The following PSMA1 variants were observed in gnomAD, a reference collection of about 807,000 sequenced individuals.
The protein encoded by PSMA1 is proteasome subunit alpha type-1.
In PSMA1, 3 loss-of-function variants were observed where a neutral mutation model predicts 38.4. The ratio of observed to expected loss-of-function variants is 0.08; its 90% CI spans 0.04 to 0.20. The LOEUF (loss-of-function observed/expected upper bound fraction) is 0.20. Among genes scored for constraint, PSMA1 ranks in the 10% least tolerant of loss-of-function variants. The pLI, the probability that PSMA1 is intolerant of heterozygous loss-of-function variation, is 1.00. For synonymous variants in PSMA1, 101 were observed against 107.1 expected, an observed-to-expected ratio of 0.94 and a Z score of 0.35; for missense variants, 227 against 325.3, an observed-to-expected ratio of 0.70 and a Z score of 2.32.
chr11:14,505,379 G>T, intron 9 of PSMA1, 131 bp from the exon 10 acceptor site: 2 of 768,906 alleles, frequency 2.6e-6, no homozygotes, highest in Non-Finnish European at 4.5e-6. Context: ...CTCAGTTTTA[G>T]TTCACTGTCC....
chr11:14,590,845 G>C (rs1398889817), intron 2 of PSMA1, among the ~76,000 whole-genome samples: 1 of 152,212 alleles, frequency 6.6e-6, no homozygotes, highest in East Asian at 1.9e-4. Context: ...TCACAATTAG[G>C]CAATGGTTAC....
chr11:14,523,483 C>T (rs1167323443), upstream of PSMA1, among the ~76,000 whole-genome samples: 1 of 151,928 alleles, frequency 6.6e-6, no homozygotes, highest in African/African-American at 2.4e-5. Context: ...GTTGCCCAGG[C>T]TGGTCATGAA....
chr11:14,518,882 A>G (rs1851478851), intron 2 of PSMA1, 115 bp downstream of exon 2: 1 of 837,412 alleles, frequency 1.2e-6, no homozygotes, highest in Non-Finnish European at 1.9e-6. Context: ...AACTTCCAAG[A>G]ACGTCTAAAA....
At chr11:14,619,258 G>A (rs1315834370) in intron 1 of PSMA1, among the ~76,000 whole-genome samples, 2 of 152,194 alleles carry the variant, frequency 1.3e-5, no homozygotes, top group East Asian at 1.9e-4. Context: ...AGACCAGCCC[G>A]GGCAACATGG....
intron 1 of PSMA1, among the ~76,000 whole-genome samples, chr11:14,621,091 G>A (rs1852838163): frequency 6.6e-6 from 1 of 152,110 alleles, no homozygotes; most frequent in Non-Finnish European, 1.5e-5. Flanking sequence ...TGAAAACTGT[G>A]AGTGTACTTT....
At chr11:14,507,369 T>C (rs1449554108) in intron 9 of PSMA1, among the ~76,000 whole-genome samples, 1 of 152,158 alleles carries the variant, frequency 6.6e-6, no homozygotes, top group East Asian at 1.9e-4. Flanking sequence ...GGTTTCACCA[T>C]GTTGGCCAGG....
rs1851221526 is a variant in PSMA1, at chr11:14,504,994, A to G, written c.*198T>C. On this transcript the variant is annotated 3_prime_UTR_variant, in exon 10 of 10. Transcript: ENST00000396394. ...TACTTTCTAGAAAATGATTATACAG[A>G]CCCTTTCAAAGAAAAATGTATTCCA... The G allele has an allele frequency of 3.6e-6, 2 of 563,020 alleles. No homozygotes were observed. The highest frequency in any genetic ancestry group is 6.4e-6 in the Non-Finnish European group (2 of 314,744). The allele number at this position is 563,020 out of a possible 1,614,324, so 34.9% of individuals were successfully genotyped here. A position where few individuals can be genotyped will look rare whatever the true frequency, so the allele number is the denominator to read the frequency against.
At chr11:14,510,830 A>C (rs774037689) in intron 8 of PSMA1, 42 bp downstream of exon 8, 47 of 1,409,988 alleles carry the variant, frequency 3.3e-5, no homozygotes, top group Non-Finnish European at 4.4e-5. Context: ...AAAGGTTTAA[A>C]CTGTAACGTT....
chr11:14,597,683 C>A (rs1252112652), intron 2 of PSMA1, among the ~76,000 whole-genome samples: 1 of 151,446 alleles, frequency 6.6e-6, no homozygotes, highest in Non-Finnish European at 1.5e-5. Flanking sequence ...TTTTGTTGAT[C>A]TTTTTCAAAA....
At chr11:14,612,671 T>A (rs1055358909) in intron 1 of PSMA1, among the ~76,000 whole-genome samples, 14 of 152,348 alleles carry the variant, frequency 9.2e-5, no homozygotes, top group Middle Eastern at 3.4e-3. Context: ...AAATATTTTT[T>A]AAATATTCAA....
rs528866886 is a variant in PSMA1, at chr11:14,595,944, T to A, written c.21+15022A>T. Among the ~76,000 whole-genome samples the A allele has an allele frequency of 2.4e-3, 364 of 152,346 alleles. 1 individual carries two copies. The highest frequency in any genetic ancestry group is 8.2e-3 in the African/African-American group (342 of 41,576). Reference sequence around the variant, plus strand: ...ATAAGGTGTAAGGGAGGGATCCAGTTTCAGCTTTCTATATATGGCTAGCCA... The same window carrying A: ...ATAAGGTGTAAGGGAGGGATCCAGTATCAGCTTTCTATATATGGCTAGCCA... On this transcript the variant is annotated intron_variant, in intron 2 of 10. Coordinates refer to the PSMA1 transcript ENST00000418988.
chr11:14,549,558 G>T (rs140987792), intron 2 of PSMA1, among the ~76,000 whole-genome samples: 3 of 151,988 alleles, frequency 2.0e-5, no homozygotes, highest in Admixed American at 6.6e-5. Flanking sequence ...AAAATTAGCC[G>T]GGCATGGTGG....
intron 2 of PSMA1, among the ~76,000 whole-genome samples, chr11:14,529,861 C>T (rs1851627299): frequency 6.6e-6 from 1 of 152,192 alleles, no homozygotes; most frequent in South Asian, 2.1e-4. Flanking sequence ...TAGCCCTGGT[C>T]TAATCCAAAT....
chr11:14,599,783 C>T (rs987324658), intron 2 of PSMA1, among the ~76,000 whole-genome samples: 2 of 152,186 alleles, frequency 1.3e-5, no homozygotes, highest in African/African-American at 4.8e-5. Context: ...TGTTCCGTTG[C>T]TGGCTAGGAG....
At chr11:14,578,448 C>T (rs1010705428) in intron 2 of PSMA1, among the ~76,000 whole-genome samples, 34 of 152,068 alleles carry the variant, frequency 2.2e-4, no homozygotes, top group Admixed American at 2.2e-3. Context: ...AGACATGATA[C>T]CTGACGTGTT....
At chr11:14,628,089 C>A (rs1019470810) in intron 1 of PSMA1, among the ~76,000 whole-genome samples, 5 of 152,170 alleles carry the variant, frequency 3.3e-5, no homozygotes, top group African/African-American at 1.2e-4. Flanking sequence ...GAACATGAAT[C>A]CTTTTGTGAA....
intron 4 of PSMA1, among the ~76,000 whole-genome samples, chr11:14,515,570 T>A (rs77144729): frequency 2.0e-5 from 3 of 151,696 alleles, no homozygotes; most frequent in Non-Finnish European, 4.4e-5. Context: ...TTTTTTTTTT[T>A]AATACTGAGT....
At chr11:14,551,678 A>G (rs1447533105) in intron 2 of PSMA1, among the ~76,000 whole-genome samples, 1 of 152,164 alleles carries the variant, frequency 6.6e-6, no homozygotes, top group Non-Finnish European at 1.5e-5. Context: ...GGATTAATAC[A>G]TCAGACTCTG....
intron 9 of PSMA1, 190 bp downstream of exon 9, chr11:14,507,466 C>A (rs1030290814): frequency 2.1e-5 from 11 of 518,300 alleles, no homozygotes; most frequent in African/African-American, 1.6e-4. Context: ...GCACCCGGCC[C>A]CCTTTTTGTG....
Sources: allele counts gnomAD v4.1 joint callset (sites outside exome capture counted in the v4.1 genomes callset), GRCh38; gene constraint gnomAD v4.1.1; transcripts MANE v1.5; gene names NCBI Gene and HGNC (gene_info 2026-07-23, HGNC 2026-07-21).